TNRC18: variants seen among roughly 807,000 people sequenced by gnomAD.
TNRC18 encodes trinucleotide repeat-containing gene 18 protein.
Under a neutral mutation model 226.7 loss-of-function variants are expected in TNRC18, and 69 were observed. The ratio of observed to expected loss-of-function variants is 0.30; its 90% CI spans 0.25 to 0.37. The LOEUF (loss-of-function observed/expected upper bound fraction) is 0.37. TNRC18 is among the 10% of genes least tolerant of loss of function. The pLI is 1.00. For missense variants in TNRC18, 4,754 were observed against 4,256.6 expected (o/e 1.12, Z -3.25); for synonymous variants, 2,449 against 1,927.6 (o/e 1.27, Z -7.09).
At chr7:5,418,220 A>C (rs1782311294) in intron 2 of TNRC18, among the ~76,000 whole-genome samples, 1 of 152,230 alleles carries the variant, frequency 6.6e-6, no homozygotes, top group African/African-American at 2.4e-5. Context: ...TGTCAGTTAC[A>C]TGCCCATCTC....
rs576175363 is a variant in TNRC18, at chr7:5,394,870, C to T, written c.188-275G>A. On this transcript the variant is annotated intron_variant, in intron 2 of 29. Coordinates refer to ENST00000430969, the MANE Select transcript of TNRC18 (RefSeq NM_001080495.3). This position sits in a 1 kb window ranked among gnomAD's most constrained non-coding sequence, Gnocchi z 4.5. ...ACCCTCAGCCCTGGGCACCCCGCAC[C>T]CTCGGAGGAGGGCCTTCCACCCCTG... Among the ~76,000 whole-genome samples the T allele has an allele frequency of 6.6e-6, 1 of 152,240 alleles. No individual in the cohort carries two copies. The highest frequency in any genetic ancestry group is 1.9e-4 in the East Asian group (1 of 5,176).
intron 18 of TNRC18, 36 bp downstream of exon 18, chr7:5,345,526 A>ACCCCCCCCCCCCC: frequency 1.1e-5 from 2 of 177,498 alleles, no homozygotes; most frequent in Non-Finnish European, 1.1e-5. Context: ...CGCCCCTCCC[A>ACCCCCCCCCCCCC]CCCACCCCCA....
chr7:5,312,362 T>C lies in TNRC18; in HGVS notation c.8388+141A>G. 7.3e-6 allele frequency: 9 copies of C among 1,233,744 alleles called. No individual in the cohort carries two copies. Among genetic ancestry groups the C allele is most frequent in the Non-Finnish European group, 8.7e-6 (8 of 914,808 alleles). 76.4% of individuals were successfully genotyped at this position (1,233,744 alleles called of 1,614,324 possible). ...GACACTCTGAGACTCAGTGTACCCA[T>C]CCATAAAGTGGGACGCCAGCCCTCC... is the stretch of plus-strand genomic sequence containing the variant. On this transcript the variant is annotated intron_variant, in intron 27 of 29. Coordinates refer to ENST00000430969, the MANE Select transcript of TNRC18 (RefSeq NM_001080495.3). The surrounding 1 kb of genome is among the most constrained non-coding windows in gnomAD (Gnocchi z 6.3).
At chr7:5,329,112 G>A (rs1234887659) in intron 19 of TNRC18, among the ~76,000 whole-genome samples, 1 of 151,994 alleles carries the variant, frequency 6.6e-6, no homozygotes, top group Non-Finnish European at 1.5e-5. Flanking sequence ...AGACGAGACT[G>A]GCCAACATGG....
intron 25 of TNRC18, among the ~76,000 whole-genome samples, chr7:5,315,456 G>A (rs779785482): frequency 9.4e-5 from 14 of 148,404 alleles, no homozygotes; most frequent in East Asian, 1.9e-4. Flanking sequence ...ACAGAGTCTC[G>A]CTCTGTCGCC....
At chr7:5,355,458 C>A (rs1250929593) in intron 16 of TNRC18, among the ~76,000 whole-genome samples, 1 of 152,112 alleles carries the variant, frequency 6.6e-6, no homozygotes, top group African/African-American at 2.4e-5. Context: ...CAACACTCAG[C>A]CTCTATAAAA....
In TNRC18 at chr7:5,345,720, C is replaced by T. The variant is rs772716909; in HGVS notation, c.5561G>A (p.Arg1854Gln). ...CTCCTCCAGGCCCGGTGACAGGGCC[C>T]GCTCCCGGGCACCCAGCCTGTAGCC... ...GGGYRLGARE[R>Q]ALSPGLEESG... The change falls in exon 18 of 30, where the codon CGG (arginine) becomes CAG (glutamine). Residue 1854 changes from arginine to glutamine, a missense_variant. Physicochemically the swap from Arg to Gln is conservative, Grantham distance 43. Coordinates refer to ENST00000430969, the MANE Select transcript of TNRC18 (RefSeq NM_001080495.3). 177 of 1,548,418 alleles carry T rather than the reference C, an allele frequency of 1.1e-4. No individual in the cohort carries two copies. Among genetic ancestry groups the T allele is most frequent in the Middle Eastern group, 1.7e-4 (1 of 6,006 alleles).
chr7:5,406,027 C>G (rs61642616), intron 2 of TNRC18, among the ~76,000 whole-genome samples: 1,594 of 152,294 alleles, frequency 0.01, 36 homozygotes, highest in African/African-American at 0.037. Context: ...AGCTGTCCAT[C>G]TACAAATCGA....
chr7:5,319,155 T>C (rs1371649917), intron 24 of TNRC18, among the ~76,000 whole-genome samples: 1 of 152,108 alleles, frequency 6.6e-6, no homozygotes, highest in Admixed American at 6.6e-5. Flanking sequence ...TAACAGCACT[T>C]TCAGAATTTG....
chr7:5,357,522 C>T (rs1792573560), intron 15 of TNRC18, among the ~76,000 whole-genome samples: 1 of 152,176 alleles, frequency 6.6e-6, no homozygotes, highest in Non-Finnish European at 1.5e-5. Context: ...AGCATTTCTC[C>T]TGCCTCAGGC....
At position 5,320,618 on chromosome 7, in the gene TNRC18, A is replaced by G; in HGVS notation, c.6561-11T>C. 1 of 1,610,368 alleles carries G rather than the reference A, an allele frequency of 6.2e-7. No homozygotes were observed. Among genetic ancestry groups the G allele is most frequent in the Non-Finnish European group, 8.5e-7 (1 of 1,179,246 alleles). Reference sequence around the variant, plus strand: ...ACCACCACGCGGTATCTGTAGGAGCAAACGAGGCGTGAGGTGGCAGAGGCC... The same window carrying G: ...ACCACCACGCGGTATCTGTAGGAGCGAACGAGGCGTGAGGTGGCAGAGGCC... On this transcript the variant is annotated splice_polypyrimidine_tract_variant and intron_variant, in intron 22 of 29. Coordinates refer to ENST00000430969, the MANE Select transcript of TNRC18 (RefSeq NM_001080495.3).
rs1043369602 is a variant in TNRC18 at position 5,388,585 on chromosome 7, G to C, written c.1239C>G (p.Pro413=). Residue 413 remains proline (P), a synonymous_variant, in exon 5 of 30, where the codon CCC becomes CCG. Coordinates refer to ENST00000430969, the MANE Select transcript of TNRC18 (RefSeq NM_001080495.3). ...EAGRPGVLQA[P]PGSPRPLDRP... ...GGTCCAGAGGCCGCGGGGAGCCGGG[G>C]GGCGCCTGCAGGACCCCTGGCCTGC... is the stretch of plus-strand genomic sequence containing the variant. The C allele has an allele frequency of 1.5e-6, 2 of 1,300,616 alleles. No individual in the cohort carries two copies. The highest frequency in any genetic ancestry group is 3.2e-5 in the African/African-American group (2 of 62,980). 80.6% of individuals were successfully genotyped at this position (1,300,616 alleles called of 1,614,324 possible). A position where few individuals can be genotyped will look rare whatever the true frequency, so the allele number is the denominator to read the frequency against.
intron 9 of TNRC18, 21 bp downstream of exon 9, chr7:5,376,013 G>C (rs185649932): frequency 1.1e-5 from 18 of 1,574,048 alleles, no homozygotes; most frequent in Non-Finnish European, 1.5e-5. Flanking sequence ...AGGGAGCTGC[G>C]CCTCATCCTC....
At position 5,313,019 on chromosome 7, in the gene TNRC18, G is replaced by T. The variant is rs112435102; in HGVS notation, c.7872C>A (p.Ser2624=). The part of the protein sequence containing the change: ...SSSSSSSSSS[S]SSSSSSSSSS... ...AAGAGGAGGATGAGGAGGAGGAGGA[G>T]GAGGAGGAGGAGGATGAGGAGGAGG... The change falls in exon 27 of 30, where the codon TCC becomes TCA. Residue 2624 remains serine, a synonymous_variant. Transcript: ENST00000430969. 3.7e-5 allele frequency: 32 copies of T among 871,862 alleles called. No individual in the cohort carries two copies. Among genetic ancestry groups the T allele is most frequent in the Middle Eastern group, 3.2e-4 (1 of 3,096 alleles). 54.0% of individuals were successfully genotyped at this position (871,862 alleles called of 1,614,324 possible). A position where few individuals can be genotyped will look rare whatever the true frequency, so the allele number is the denominator to read the frequency against.
At chr7:5,346,454 T>C (rs1050112146) in intron 17 of TNRC18, among the ~76,000 whole-genome samples, 19 of 152,084 alleles carry the variant, frequency 1.2e-4, no homozygotes, top group African/African-American at 4.1e-4. Flanking sequence ...TGAGATCGCA[T>C]CACTGCACTC....
chr7:5,331,892 AGAGT>A (rs1160243626), intron 19 of TNRC18, among the ~76,000 whole-genome samples: 2 of 152,318 alleles, frequency 1.3e-5, no homozygotes, highest in East Asian at 3.9e-4. Context: ...CCTGGGTGAC[AGAGT>A]GAGACTCTGT....
chr7:5,378,427 T>A (rs1184510721), intron 5 of TNRC18, among the ~76,000 whole-genome samples: 1 of 151,346 alleles, frequency 6.6e-6, no homozygotes, highest in African/African-American at 2.4e-5. Flanking sequence ...TTTATTTATT[T>A]TTTTTTTTTG....
At chr7:5,352,743 T>C (rs1791957373) in intron 16 of TNRC18, among the ~76,000 whole-genome samples, 1 of 152,182 alleles carries the variant, frequency 6.6e-6, no homozygotes, top group African/African-American at 2.4e-5. Flanking sequence ...AGTCTTCAAA[T>C]CTTCCGGGGA....
intron 11 of TNRC18, among the ~76,000 whole-genome samples, chr7:5,368,522 G>C (rs760781134): frequency 3.9e-5 from 6 of 151,908 alleles, no homozygotes; most frequent in Non-Finnish European, 8.8e-5. Context: ...AAGATAGCCA[G>C]GCATGGTGGT....
Sources: gnomAD v4.1 joint callset for allele counts (sites outside exome capture counted in the v4.1 genomes callset) on GRCh38, gnomAD v4.1.1 for gene constraint, Gnocchi (gnomAD v3.1) non-coding constraint, MANE v1.5 for transcripts, NCBI Gene and HGNC (gene_info 2026-07-23, HGNC 2026-07-21) for gene names.